ARHGEF10L: variants seen among roughly 807,000 people sequenced by gnomAD.
ARHGEF10L encodes the protein rho guanine nucleotide exchange factor 10-like protein.
ARHGEF10L carries 69 observed loss-of-function variants against 141.2 expected under a neutral mutation model. The ratio of observed to expected loss-of-function variants is 0.49; its 90% confidence interval spans 0.40 to 0.60. The LOEUF (loss-of-function observed/expected upper bound fraction) is 0.60, where lower values mean the gene tolerates loss of function less well. Ranked by LOEUF, ARHGEF10L falls within the 20% of genes least tolerant of loss-of-function variation. The pLI, the probability that ARHGEF10L is intolerant of heterozygous loss-of-function variation, is 0.00. For missense variants in ARHGEF10L, 1,482 were observed against 1,734.3 expected (o/e 0.85, Z 2.58); for synonymous variants, 711 against 718.5 (o/e 0.99, Z 0.17).
chr1:17,562,120 A>G (rs1022298766), intron 1 of ARHGEF10L, among the ~76,000 whole-genome samples: 2 of 152,228 alleles, frequency 1.3e-5, no homozygotes, highest in Non-Finnish European at 2.9e-5. Context: ...TGGGAACCTC[A>G]AGATTGAGTC....
chr1:17,639,822 C>T lies in ARHGEF10L; in HGVS notation c.2172-380C>T. 7.5e-7 allele frequency: 1 copy of T among 1,328,026 alleles called. No homozygotes were observed. The highest frequency in any genetic ancestry group is 9.9e-7 in the Non-Finnish European group (1 of 1,014,364). 82.3% of individuals were successfully genotyped at this position (1,328,026 alleles called of 1,614,324 possible). On this transcript the variant is annotated intron_variant, in intron 20 of 28. Transcript: ENST00000361221. The surrounding 1 kb of genome is among the most constrained non-coding windows in gnomAD (Gnocchi z 4.3). Reference sequence around the variant, plus strand: ...GAACAGACCCAAGTGAGACCCATTCCTCCCTCTAGAGGCACGTGGTCAGAC... The same window carrying T: ...GAACAGACCCAAGTGAGACCCATTCTTCCCTCTAGAGGCACGTGGTCAGAC...
chr1:17,645,467 G>T (rs1280487298), intron 21 of ARHGEF10L, among the ~76,000 whole-genome samples: 1 of 152,118 alleles, frequency 6.6e-6, no homozygotes, highest in Non-Finnish European at 1.5e-5. Context: ...TGGGCGCCCT[G>T]GTGACAGGGG....
intron 1 of ARHGEF10L, among the ~76,000 whole-genome samples, chr1:17,561,380 T>G (rs1176600172): frequency 6.6e-6 from 1 of 151,846 alleles, no homozygotes; most frequent in Non-Finnish European, 1.5e-5. Flanking sequence ...CACTGGGAGG[T>G]GGGGCCAGGC....
chr1:17,560,006 A>G (rs554436185), intron 1 of ARHGEF10L, among the ~76,000 whole-genome samples: 2 of 152,260 alleles, frequency 1.3e-5, no homozygotes, highest in Admixed American at 6.5e-5. Flanking sequence ...ACAAGCAGGT[A>G]AATATTAACC....
intron 2 of ARHGEF10L, 84 bp downstream of exon 2, chr1:17,580,716 C>G: frequency 6.5e-7 from 1 of 1,539,846 alleles, no homozygotes; most frequent in Non-Finnish European, 8.9e-7. Flanking sequence ...TGCTCTGGAG[C>G]AGCATGGCGC....
In ARHGEF10L at chr1:17,603,098, G is replaced by A. The variant is rs940922349; in HGVS notation, c.350-410G>A. Among the ~76,000 whole-genome samples the A allele has an allele frequency of 3.3e-5, 5 of 152,040 alleles. No homozygotes were observed. The highest frequency in any genetic ancestry group is 7.3e-5 in the African/African-American group (3 of 41,376). ...TCAAGGACCGGCTCCCATCAGGGGT[G>A]GGGGCTGGTTTTCCAAGTCCTAGCA... On this transcript the variant is annotated intron_variant, in intron 5 of 28. Transcript: ENST00000361221. This position sits in a 1 kb window ranked among gnomAD's most constrained non-coding sequence, Gnocchi z 4.8.
At position 17,624,392 on chromosome 1, in the gene ARHGEF10L, C is replaced by T. The variant is rs373299603; in HGVS notation, c.1206C>T (p.Ser402=). The T allele has an allele frequency of 1.2e-6, 2 of 1,613,600 alleles. No individual in the cohort carries two copies. Among genetic ancestry groups the T allele is most frequent in the African/African-American group, 2.7e-5 (2 of 74,906 alleles). Residue 402 remains serine (S), a synonymous_variant, in exon 13 of 29, where the codon TCC becomes TCT. Transcript: ENST00000361221. Reference sequence around the variant, plus strand: ...CCACACCTGCCTTGTTTCAGTTTTCCAAGTCCATGGTGCTAGATGTGTACA... The same window carrying T: ...CCACACCTGCCTTGTTTCAGTTTTCTAAGTCCATGGTGCTAGATGTGTACA... The part of the protein sequence containing the change: ...KIGDLFVASF[S]KSMVLDVYSD...
At chr1:17,583,514 C>T (rs1211354823) in intron 2 of ARHGEF10L, among the ~76,000 whole-genome samples, 2 of 152,176 alleles carry the variant, frequency 1.3e-5, no homozygotes, top group African/African-American at 2.4e-5. Flanking sequence ...ATTCCCTCCT[C>T]CCAACAACCC....
intron 1 of ARHGEF10L, among the ~76,000 whole-genome samples, chr1:17,575,052 C>T (rs971781639): frequency 6.6e-6 from 1 of 152,200 alleles, no homozygotes; most frequent in African/African-American, 2.4e-5. Flanking sequence ...TGGTTCCATG[C>T]TGGGTGGGTC....
intron 11 of ARHGEF10L, among the ~76,000 whole-genome samples, chr1:17,622,377 G>A (rs2060152374): frequency 6.6e-6 from 1 of 152,092 alleles, no homozygotes; most frequent in South Asian, 2.1e-4. Flanking sequence ...GGAGGCCCAG[G>A]GGTTGCTGAG....
intron 26 of ARHGEF10L, 81 bp downstream of exon 26, chr1:17,664,676 G>T: frequency 7.2e-7 from 1 of 1,397,002 alleles, no homozygotes; most frequent in Non-Finnish European, 9.3e-7. Context: ...CCCCGGCACC[G>T]CTTTCAGCTC....
At chr1:17,618,512 C>G (rs778876475) in intron 9 of ARHGEF10L, 13 of 1,449,286 alleles carry the variant, frequency 9.0e-6, no homozygotes, top group African/African-American at 2.9e-5. Flanking sequence ...CCTCCTCTGT[C>G]TCCTGCTCAG....
chr1:17,691,046 C>T, intron 27 of ARHGEF10L: 1 of 429,772 alleles, frequency 2.3e-6, no homozygotes, highest in South Asian at 1.7e-5. Context: ...TTCCCCTGAC[C>T]CCTTTCTTCC....
chr1:17,570,542 G>C (rs1473928147), intron 1 of ARHGEF10L, among the ~76,000 whole-genome samples: 1 of 151,920 alleles, frequency 6.6e-6, no homozygotes, highest in South Asian at 2.1e-4. Flanking sequence ...AAGTCGGGGG[G>C]GTTGTGGGGG....
chr1:17,538,083 GAA>G (rs199523442), upstream of ARHGEF10L, among the ~76,000 whole-genome samples: 1 of 151,156 alleles, frequency 6.6e-6, no homozygotes, highest in Non-Finnish European at 1.5e-5. Flanking sequence ...AACAAAGAAA[GAA>G]AAAAAACATA....
chr1:17,615,269 G>A lies in ARHGEF10L; in HGVS notation c.727-825G>A, dbSNP rs1311381405. 2 of 152,240 alleles carry A rather than the reference G, an allele frequency of 1.3e-5. No individual in the cohort carries two copies. Among genetic ancestry groups the A allele is most frequent in the Admixed American group, 6.5e-5 (1 of 15,280 alleles). The allele number at this position is 152,240 out of a possible 1,614,324, so 9.4% of individuals were successfully genotyped here. A position where few individuals can be genotyped will look rare whatever the true frequency, so the allele number is the denominator to read the frequency against. On this transcript the variant is annotated intron_variant, in intron 8 of 28. Coordinates refer to ENST00000361221, the MANE Select transcript of ARHGEF10L (RefSeq NM_018125.4). This position sits in a 1 kb window ranked among gnomAD's most constrained non-coding sequence, Gnocchi z 4.7. ...GGGTGCTAGGGCTGGGGCTTGGGAGGACAAAGGACTGGCTGAGGGGACAGC... is the reference window on the plus strand; with the variant it reads ...GGGTGCTAGGGCTGGGGCTTGGGAGAACAAAGGACTGGCTGAGGGGACAGC...
chr1:17,529,901 C>T, the ARHGEF10L span, among the ~76,000 whole-genome samples: 14 of 142,608 alleles, frequency 9.8e-5, no homozygotes, highest in African/African-American at 2.4e-4. Flanking sequence ...GTGACGATCT[C>T]GGCTCACTGT....
chr1:17,613,189 T>A lies in ARHGEF10L; in HGVS notation c.726+15T>A, dbSNP rs371669938. 8.1e-6 allele frequency: 13 copies of A among 1,602,160 alleles called. No homozygotes were observed. The highest frequency in any genetic ancestry group is 1.0e-5 in the Non-Finnish European group (12 of 1,170,282). ...ACGATTGTAAGGTATTGTCTGTCTG[T>A]CCCCTCAAGCCCTGGATGGGGGCTG... On this transcript the variant is annotated intron_variant, in intron 8 of 28. Transcript: ENST00000361221.
At chr1:17,657,847 C>G (rs754598711) in intron 25 of ARHGEF10L, among the ~76,000 whole-genome samples, 1 of 152,228 alleles carries the variant, frequency 6.6e-6, no homozygotes, top group African/African-American at 2.4e-5. Flanking sequence ...CCTGTGCCAC[C>G]CTGGCGCTCT....
Sources: allele counts gnomAD v4.1 joint callset (sites outside exome capture counted in the v4.1 genomes callset), GRCh38; gene constraint gnomAD v4.1.1; non-coding constraint Gnocchi (gnomAD v3.1); transcripts MANE v1.5; gene names NCBI Gene and HGNC (gene_info 2026-07-23, HGNC 2026-07-21).